Variants in NALCN observed in about 807,000 individuals in gnomAD.
NALCN encodes the protein sodium leak channel, non-selective, also known as sodium leak channel NALCN.
NALCN carries 111 observed loss-of-function variants against 225.3 expected under a neutral mutation model. That is an observed-to-expected ratio of 0.49 (90% CI 0.42 to 0.58). NALCN has a LOEUF of 0.58. Among genes scored for constraint, NALCN ranks in the 20% least tolerant of loss-of-function variants. The probability of loss-of-function intolerance (pLI) is 0.00; values close to 1 mark genes in which losing one functional copy is unlikely to be tolerated. For synonymous variants in NALCN, 764 were observed against 769.0 expected, an observed-to-expected ratio of 0.99 and a Z score of 0.11; for missense variants, 1,378 against 2,202.4, an observed-to-expected ratio of 0.63 and a Z score of 7.49.
intron 7 of NALCN, among the ~76,000 whole-genome samples, chr13:101,335,208 G>C (rs896452224): frequency 6.6e-6 from 1 of 152,080 alleles, no homozygotes; most frequent in African/African-American, 2.4e-5. Flanking sequence ...ACATCTTTCA[G>C]CAGACAATGG....
At chr13:101,113,528 A>G (rs1009671853) in intron 18 of NALCN, among the ~76,000 whole-genome samples, 1 of 152,256 alleles carries the variant, frequency 6.6e-6, no homozygotes, top group Non-Finnish European at 1.5e-5. Flanking sequence ...CTAAGAGGTT[A>G]CATATACTCT....
At chr13:101,376,407 C>A (rs922721708) in intron 6 of NALCN, among the ~76,000 whole-genome samples, 1 of 152,100 alleles carries the variant, frequency 6.6e-6, no homozygotes, top group South Asian at 2.1e-4. Context: ...GTCCCAGCTA[C>A]TTGGCAGGCT....
intron 7 of NALCN, among the ~76,000 whole-genome samples, chr13:101,324,356 A>T (rs527328): frequency 0.41 from 62,002 of 152,114 alleles, 12,995 homozygotes; most frequent in Middle Eastern, 0.47. Context: ...AAACACTAAA[A>T]CTTTGTAACA....
At chr13:101,191,895 GA>G (rs5806198) in intron 14 of NALCN, 21 bp downstream of exon 14, 560 of 1,567,318 alleles carry the variant, frequency 3.6e-4, no homozygotes, top group Middle Eastern at 3.4e-4. Flanking sequence ...AGATATAATT[GA>G]AAAAAAAATG....
intron 1 of NALCN, among the ~76,000 whole-genome samples, chr13:101,408,979 A>G (rs1314570232): frequency 2.0e-5 from 3 of 152,188 alleles, no homozygotes; most frequent in Non-Finnish European, 4.4e-5. Flanking sequence ...TAAATCCCAA[A>G]GTAAAACAGC....
chr13:101,304,948 G>A (rs1402100126), intron 7 of NALCN, among the ~76,000 whole-genome samples: 2 of 151,502 alleles, frequency 1.3e-5, no homozygotes, highest in African/African-American at 4.9e-5. Flanking sequence ...TAGAGATGGG[G>A]GTTTCACCAT....
At chr13:101,312,856 A>T (rs571943876) in intron 7 of NALCN, among the ~76,000 whole-genome samples, 82 of 152,310 alleles carry the variant, frequency 5.4e-4, no homozygotes, top group Non-Finnish European at 1.0e-3. Context: ...GGAACCAAAA[A>T]AGAGCCCGCA....
chr13:101,313,740 G>A (rs1026055988), intron 7 of NALCN, among the ~76,000 whole-genome samples: 1 of 152,158 alleles, frequency 6.6e-6, no homozygotes, highest in African/African-American at 2.4e-5. Context: ...AACCCTTGTG[G>A]AAGTTGGTGT....
chr13:101,113,035 ATATC>A (rs1336141024), intron 18 of NALCN, among the ~76,000 whole-genome samples: 3 of 152,228 alleles, frequency 2.0e-5, no homozygotes, highest in South Asian at 2.1e-4. Context: ...ATTATGGTGA[ATATC>A]TATGAAAAAT....
chr13:101,121,698 CA>C (rs2035982055), intron 18 of NALCN, among the ~76,000 whole-genome samples: 1 of 152,208 alleles, frequency 6.6e-6, no homozygotes, highest in Admixed American at 6.5e-5. Context: ...ACAGAATCTG[CA>C]TCCTCTTTGT....
chr13:101,293,091 G>T (rs1440120541), intron 7 of NALCN, among the ~76,000 whole-genome samples: 1 of 152,192 alleles, frequency 6.6e-6, no homozygotes, highest in Non-Finnish European at 1.5e-5. Context: ...ATGTTTTACA[G>T]ACAGGGAAAC....
At chr13:101,090,174 G>A (rs944420260) in intron 28 of NALCN, among the ~76,000 whole-genome samples, 3 of 151,918 alleles carry the variant, frequency 2.0e-5, no homozygotes, top group South Asian at 2.1e-4. Flanking sequence ...TATGGCATTC[G>A]TTTGCTAAAT....
Position 101,090,160 on chromosome 13 carries a change from G to A in NALCN, c.3270-194C>T, listed in dbSNP as rs9634451. On this transcript the variant is annotated intron_variant, in intron 28 of 43. Transcript: ENST00000251127. ...TATATGTATACACACACATTTTTAC[G>A]CTATATGGCATTCGTTTGCTAAATC... 1.3e-4 allele frequency among the ~76,000 whole-genome samples: 19 copies of A among 151,992 alleles called. No homozygotes were observed. In the East Asian group the frequency reaches 2.5e-3, roughly 20 times the overall value.
intron 14 of NALCN, among the ~76,000 whole-genome samples, chr13:101,188,919 C>T (rs919200845): frequency 2.6e-5 from 4 of 152,096 alleles, no homozygotes; most frequent in African/African-American, 4.8e-5. Flanking sequence ...AACTCCTGAC[C>T]TCAGGTGATC....
chr13:101,273,128 A>G (rs1212141061), intron 10 of NALCN, among the ~76,000 whole-genome samples: 1 of 152,146 alleles, frequency 6.6e-6, no homozygotes, highest in Non-Finnish European at 1.5e-5. Context: ...CCTCATGGTA[A>G]TAGAGCACGG....
At chr13:101,256,850 G>A (rs1306120385) in intron 11 of NALCN, among the ~76,000 whole-genome samples, 1 of 144,860 alleles carries the variant, frequency 6.9e-6, no homozygotes, top group African/African-American at 2.5e-5. Context: ...TGCAACCTCC[G>A]CCTCCCAGGT....
At chr13:101,242,312 G>T (rs2041781620) in intron 11 of NALCN, among the ~76,000 whole-genome samples, 1 of 104,470 alleles carries the variant, frequency 9.6e-6, no homozygotes, top group Non-Finnish European at 2.1e-5. Flanking sequence ...TTTTAACTTG[G>T]TCAACTATTT....
intron 7 of NALCN, among the ~76,000 whole-genome samples, chr13:101,336,743 C>T (rs965325326): frequency 2.0e-5 from 3 of 152,100 alleles, no homozygotes; most frequent in African/African-American, 7.2e-5. Context: ...TCCAAAATCA[C>T]CTTGTATAAA....
At position 101,097,369 on chromosome 13, in the gene NALCN, C is replaced by G. The variant is rs144774005; in HGVS notation, c.3163-1689G>C. Among the ~76,000 whole-genome samples the G allele has an allele frequency of 2.6e-3, 389 of 152,240 alleles. 2 individuals are homozygous for G. Among genetic ancestry groups the G allele is most frequent in the Non-Finnish European group, 4.3e-3 (291 of 68,024 alleles). On this transcript the variant is annotated intron_variant, in intron 27 of 43. Coordinates refer to ENST00000251127, the MANE Select transcript of NALCN (RefSeq NM_052867.4). ...TTGCGATTATCTTTCCATAACCATA[C>G]CTTTTTATGTAGAACATTATTTGGA...
Sources: allele counts gnomAD v4.1 joint callset (sites outside exome capture counted in the v4.1 genomes callset), GRCh38; gene constraint gnomAD v4.1.1; transcripts MANE v1.5; gene names NCBI Gene and HGNC (gene_info 2026-07-23, HGNC 2026-07-21).